The following RPH3A variants were observed in gnomAD, a reference collection of about 807,000 sequenced individuals.
The protein encoded by RPH3A is rabphilin 3A, also known as rabphilin-3A.
In RPH3A, 48 loss-of-function variants were observed where a neutral mutation model predicts 102.2. That is an observed-to-expected ratio of 0.47 (90% CI 0.37 to 0.60). RPH3A has a LOEUF of 0.60. RPH3A is among the 20% of genes least tolerant of loss of function. The pLI is 0.00. For synonymous variants in RPH3A, 310 were observed against 324.3 expected (o/e 0.96, Z 0.47); for missense variants, 781 against 910.1 (o/e 0.86, Z 1.83).
chr12:112,678,283 AAGAAAGAAAGAAAGAAAGAAAG>A (rs1483974093), intron 1 of RPH3A, among the ~76,000 whole-genome samples: 480 of 46,884 alleles, frequency 0.01, 49 homozygotes, highest in African/African-American at 0.059. Flanking sequence ...GAAAGAAAGA[AAGAAAGAAAGAAAGAAAGAAAG>A]AGAGAGAGAG....
At chr12:112,749,664 C>A (rs893438727) in intron 1 of RPH3A, among the ~76,000 whole-genome samples, 6 of 152,124 alleles carry the variant, frequency 3.9e-5, no homozygotes, top group African/African-American at 1.4e-4. Context: ...TTAATTAAAT[C>A]AGTAAATAAA....
intron 1 of RPH3A, among the ~76,000 whole-genome samples, chr12:112,600,662 T>C (rs1391448879): frequency 6.6e-6 from 1 of 152,108 alleles, no homozygotes; most frequent in Non-Finnish European, 1.5e-5. Context: ...AGTTCCAAAC[T>C]TTCCCACGTC....
rs2043215194 is a variant in RPH3A at position 112,898,074 on chromosome 12, C to T, written c.*1294C>T. On this transcript the variant is annotated 3_prime_UTR_variant, in exon 22 of 22. Coordinates refer to ENST00000389385, the MANE Select transcript of RPH3A (RefSeq NM_001143854.2). ...CTCCAGTCTCTCTGTCTCTCTTTGT[C>T]TGTCTCTCTGTCTCCTGCACTCTCG... The T allele has an allele frequency of 6.6e-6, 1 of 152,320 alleles. No homozygotes were observed. The highest frequency in any genetic ancestry group is 2.4e-5 in the African/African-American group (1 of 41,466). 9.4% of individuals were successfully genotyped at this position (152,320 alleles called of 1,614,324 possible).
chr12:112,693,835 G>A (rs1048529200), intron 1 of RPH3A, among the ~76,000 whole-genome samples: 2 of 152,126 alleles, frequency 1.3e-5, no homozygotes, highest in Non-Finnish European at 2.9e-5. Context: ...TTGTTTATTT[G>A]CCATTTATCT....
chr12:112,810,329 A>G (rs1012611812), intron 2 of RPH3A, among the ~76,000 whole-genome samples: 2 of 152,176 alleles, frequency 1.3e-5, no homozygotes, highest in Non-Finnish European at 2.9e-5. Context: ...GGGATGAACC[A>G]CTTGCAACTA....
Position 112,898,538 on chromosome 12 carries a change from C to T in RPH3A, c.*1758C>T, listed in dbSNP as rs1402823819. 3 of 152,394 alleles carry T rather than the reference C, an allele frequency of 2.0e-5. No homozygotes were observed. The highest frequency in any genetic ancestry group is 4.4e-5 in the Non-Finnish European group (3 of 68,164). The allele number at this position is 152,394 out of a possible 1,614,324, so 9.4% of individuals were successfully genotyped here. On this transcript the variant is annotated 3_prime_UTR_variant, in exon 22 of 22. Transcript: ENST00000389385. ...ATTTTCTAAACATCGAGCTCTTCACCTTCCCCAAGGTGGCCAACAGCTTCC... is the reference window on the plus strand; with the variant it reads ...ATTTTCTAAACATCGAGCTCTTCACTTTCCCCAAGGTGGCCAACAGCTTCC...
chr12:112,698,379 A>C (rs930482175), intron 1 of RPH3A, among the ~76,000 whole-genome samples: 1 of 152,214 alleles, frequency 6.6e-6, no homozygotes, highest in Non-Finnish European at 1.5e-5. Flanking sequence ...AAAAGCATAA[A>C]CCATAAAATA....
intron 2 of RPH3A, among the ~76,000 whole-genome samples, chr12:112,794,810 G>C (rs1244959063): frequency 6.6e-6 from 1 of 152,128 alleles, no homozygotes; most frequent in East Asian, 1.9e-4. Flanking sequence ...TGAAGACCAA[G>C]GCATCATCCC....
At chr12:112,673,488 C>G (rs1229033869) in intron 1 of RPH3A, among the ~76,000 whole-genome samples, 1 of 151,526 alleles carries the variant, frequency 6.6e-6, no homozygotes, top group Admixed American at 6.6e-5. Flanking sequence ...ATGCCACCAT[C>G]CCTGGCTAAT....
intron 2 of RPH3A, among the ~76,000 whole-genome samples, chr12:112,819,246 C>A (rs1469654692): frequency 6.6e-6 from 1 of 152,084 alleles, no homozygotes. Context: ...GCTGGGATTA[C>A]AGGCATGCAC....
At chr12:112,740,622 C>T (rs1250636033) in intron 1 of RPH3A, among the ~76,000 whole-genome samples, 3 of 152,214 alleles carry the variant, frequency 2.0e-5, no homozygotes, top group African/African-American at 7.2e-5. Flanking sequence ...GAAACAGAAG[C>T]TCATCTTACA....
upstream of RPH3A, among the ~76,000 whole-genome samples, chr12:112,787,995 C>T (rs1003088057): frequency 1.3e-5 from 2 of 152,236 alleles, no homozygotes; most frequent in Non-Finnish European, 2.9e-5. Flanking sequence ...GAGAGTCAGA[C>T]CCTGGCCGGG....
chr12:112,702,340 T>C (rs1377917176), intron 1 of RPH3A, among the ~76,000 whole-genome samples: 1 of 152,230 alleles, frequency 6.6e-6, no homozygotes, highest in African/African-American at 2.4e-5. Flanking sequence ...ACAAATTCTC[T>C]TTGAGTTAAT....
chr12:112,891,665 G>T (rs1295742433), intron 19 of RPH3A, among the ~76,000 whole-genome samples: 1 of 152,190 alleles, frequency 6.6e-6, no homozygotes, highest in Non-Finnish European at 1.5e-5. Context: ...CCAGATACAA[G>T]TTCAGTAAGG....
chr12:112,678,922 T>C (rs1027905731), intron 1 of RPH3A, among the ~76,000 whole-genome samples: 2 of 152,116 alleles, frequency 1.3e-5, no homozygotes, highest in Non-Finnish European at 1.5e-5. Context: ...TGCTCTAATA[T>C]TTTTCTTCTG....
intron 1 of RPH3A, among the ~76,000 whole-genome samples, chr12:112,593,510 C>T (rs533687179): frequency 6.6e-5 from 10 of 152,264 alleles, no homozygotes; most frequent in African/African-American, 2.4e-4. Flanking sequence ...GTAGGAACTG[C>T]ACATCCATGT....
intron 16 of RPH3A, 27 bp downstream of exon 16, chr12:112,883,429 G>T: frequency 6.4e-7 from 1 of 1,554,242 alleles, no homozygotes; most frequent in Non-Finnish European, 8.9e-7. Context: ...GGGCAGAGAG[G>T]GAGGCAAAGG....
chr12:112,741,624 G>T (rs991225347), intron 1 of RPH3A, among the ~76,000 whole-genome samples: 3 of 152,040 alleles, frequency 2.0e-5, no homozygotes, highest in Non-Finnish European at 2.9e-5. Context: ...CAGAAAGTTG[G>T]AGAGAGAGAG....
chr12:112,892,777 G>C (rs2043121580), intron 19 of RPH3A: 1 of 152,130 alleles, frequency 6.6e-6, no homozygotes, highest in African/African-American at 2.4e-5. Context: ...CCTTACTCAT[G>C]GCAGAGAGTA....
Sources: gnomAD v4.1 joint callset for allele counts (sites outside exome capture counted in the v4.1 genomes callset) on GRCh38, gnomAD v4.1.1 for gene constraint, MANE v1.5 for transcripts, NCBI Gene and HGNC (gene_info 2026-07-23, HGNC 2026-07-21) for gene names.